Variants in NUDT3 observed in about 807,000 individuals in gnomAD.
NUDT3 encodes the protein diphosphoinositol polyphosphate phosphohydrolase 1.
In NUDT3, 9 loss-of-function variants were observed where a neutral mutation model predicts 23.6. That is an observed-to-expected ratio of 0.38 (90% CI 0.23 to 0.66). The LOEUF (loss-of-function observed/expected upper bound fraction) is 0.66, where lower values mean the gene tolerates loss of function less well. Ranked by LOEUF, NUDT3 falls within the 30% of genes least tolerant of loss-of-function variation. The pLI, the probability that NUDT3 is intolerant of heterozygous loss-of-function variation, is 0.52. For missense variants in NUDT3, 172 were observed against 218.5 expected (o/e 0.79, Z 1.34); for synonymous variants, 86 against 82.6 (o/e 1.04, Z -0.22).
chr6:34,361,887 CAG>C (rs1467359876), intron 1 of NUDT3, among the ~76,000 whole-genome samples: 1 of 152,172 alleles, frequency 6.6e-6, no homozygotes, highest in Non-Finnish European at 1.5e-5. Context: ...AGAGAAAGAA[CAG>C]AGAATTTTTA....
At chr6:34,351,580 A>G (rs1764477475) in intron 1 of NUDT3, among the ~76,000 whole-genome samples, 5 of 149,426 alleles carry the variant, frequency 3.3e-5, no homozygotes, top group African/African-American at 7.5e-5. Context: ...TGACTCTACT[A>G]AAAATACAAA....
At chr6:34,365,180 A>G (rs1468203013) in intron 1 of NUDT3, among the ~76,000 whole-genome samples, 1 of 152,206 alleles carries the variant, frequency 6.6e-6, no homozygotes, top group Non-Finnish European at 1.5e-5. Context: ...CTGTAATCCC[A>G]GCACTTTGGG....
chr6:34,295,841 G>A (rs1763491602), intron 2 of NUDT3, among the ~76,000 whole-genome samples, 156 bp from the exon 3 acceptor site: 1 of 152,196 alleles, frequency 6.6e-6, no homozygotes, highest in Non-Finnish European at 1.5e-5. Flanking sequence ...TGTTTCCTGT[G>A]TGTCACCGAC....
At chr6:34,384,305 C>T (rs1309621761) in intron 1 of NUDT3, among the ~76,000 whole-genome samples, 1 of 152,188 alleles carries the variant, frequency 6.6e-6, no homozygotes. Context: ...GTACAACAAA[C>T]GAACCTAACA....
In NUDT3 at chr6:34,288,722, A is replaced by T. The variant is rs1216667047; in HGVS notation, c.*31T>A. On this transcript the variant is annotated 3_prime_UTR_variant, in exon 5 of 5. Coordinates refer to ENST00000607016, the MANE Select transcript of NUDT3 (RefSeq NM_006703.4). The stretch of plus-strand genomic sequence containing the variant: ...AGATTTGCACTTCAGTCTAGTTTCC[A>T]ATTTCCATTTCTCTTACAGGAAGTC... The T allele has an allele frequency of 1.9e-6, 3 of 1,592,888 alleles. No homozygotes were observed. The highest frequency in any genetic ancestry group is 3.6e-5 in the Admixed American group (2 of 55,418).
intron 2 of NUDT3, among the ~76,000 whole-genome samples, chr6:34,301,236 C>G (rs1168821106): frequency 1.3e-5 from 2 of 152,232 alleles, no homozygotes; most frequent in Non-Finnish European, 2.9e-5. Context: ...TTCTCAGTCA[C>G]AGAGGATAAG....
rs143495644 is a variant in NUDT3 at position 34,372,078 on chromosome 6, A to C, written c.99+20186T>G. The stretch of plus-strand genomic sequence containing the variant: ...TCCCTACAAAGGACATGAACTCATC[A>C]TTTTTTATGGCTGCATAGTATTCCA... On this transcript the variant is annotated intron_variant, in intron 1 of 4. Coordinates refer to ENST00000607016, the MANE Select transcript of NUDT3 (RefSeq NM_006703.4). Among the ~76,000 whole-genome samples the C allele has an allele frequency of 9.2e-3, 1,403 of 152,152 alleles. 20 individuals are homozygous for C. The highest frequency in any genetic ancestry group is 0.024 in the Middle Eastern group (7 of 294).
chr6:34,306,068 C>T (rs1372918530), intron 2 of NUDT3, among the ~76,000 whole-genome samples: 1 of 152,136 alleles, frequency 6.6e-6, no homozygotes, highest in Non-Finnish European at 1.5e-5. Context: ...CTCTATTTTT[C>T]TGTTTGCCAC....
intron 1 of NUDT3, among the ~76,000 whole-genome samples, chr6:34,386,837 G>A (rs1765114958): frequency 6.6e-6 from 1 of 152,178 alleles, no homozygotes; most frequent in African/African-American, 2.4e-5. Flanking sequence ...TAGCACAGCT[G>A]AGCACGGTGG....
At chr6:34,291,526 AAC>A (rs1167011173) in intron 4 of NUDT3, among the ~76,000 whole-genome samples, 2 of 151,698 alleles carry the variant, frequency 1.3e-5, no homozygotes, top group African/African-American at 4.8e-5. Context: ...TTTTTTTTGA[AAC>A]AGTCTTATCT....
chr6:34,359,983 C>T (rs764344945), intron 1 of NUDT3, among the ~76,000 whole-genome samples: 17 of 152,036 alleles, frequency 1.1e-4, no homozygotes, highest in Non-Finnish European at 2.2e-4. Flanking sequence ...AATGTCTATA[C>T]GCTGGGAGGC....
At chr6:34,360,815 A>G (rs949407737) in intron 1 of NUDT3, among the ~76,000 whole-genome samples, 3 of 152,188 alleles carry the variant, frequency 2.0e-5, no homozygotes, top group Non-Finnish European at 4.4e-5. Context: ...TTTTCACAAG[A>G]CTTATCTGAT....
At chr6:34,377,401 C>G (rs897052595) in intron 1 of NUDT3, among the ~76,000 whole-genome samples, 1 of 152,020 alleles carries the variant, frequency 6.6e-6, no homozygotes, top group African/African-American at 2.4e-5. Flanking sequence ...TTTTAAGAAG[C>G]ATCGTACTGT....
intron 4 of NUDT3, among the ~76,000 whole-genome samples, chr6:34,289,173 T>G (rs745465120): frequency 2.0e-5 from 3 of 152,224 alleles, no homozygotes; most frequent in Non-Finnish European, 4.4e-5. Flanking sequence ...CAGAGAGAAC[T>G]ACGGCTAGTG....
At chr6:34,348,491 A>T (rs1764415474) in intron 1 of NUDT3, among the ~76,000 whole-genome samples, 1 of 152,014 alleles carries the variant, frequency 6.6e-6, no homozygotes, top group Non-Finnish European at 1.5e-5. Context: ...CAAAAAAAAG[A>T]AACAGGCTGG....
chr6:34,301,618 C>T (rs1408831041), intron 2 of NUDT3, among the ~76,000 whole-genome samples: 2 of 152,246 alleles, frequency 1.3e-5, no homozygotes, highest in Non-Finnish European at 2.9e-5. Context: ...GAGAGCATAG[C>T]CAAGATCAGC....
intron 2 of NUDT3, among the ~76,000 whole-genome samples, chr6:34,341,034 T>C (rs1209113384): frequency 2.6e-5 from 4 of 152,196 alleles, no homozygotes; most frequent in Non-Finnish European, 5.9e-5. Flanking sequence ...ATCAATCTTA[T>C]ATTCCCTCTG....
intron 4 of NUDT3, among the ~76,000 whole-genome samples, chr6:34,290,853 G>A (rs938950566): frequency 6.6e-6 from 1 of 151,030 alleles, no homozygotes; most frequent in Non-Finnish European, 1.5e-5. Context: ...GGAGTACAGC[G>A]ATGTGATCCC....
chr6:34,320,333 T>G (rs1350737541), intron 2 of NUDT3, among the ~76,000 whole-genome samples: 1 of 152,148 alleles, frequency 6.6e-6, no homozygotes, highest in Admixed American at 6.5e-5. Context: ...TTAAAGCGAT[T>G]CTCCTGCTTC....
Sources: gnomAD v4.1 joint callset for allele counts (sites outside exome capture counted in the v4.1 genomes callset) on GRCh38, gnomAD v4.1.1 for gene constraint, MANE v1.5 for transcripts, NCBI Gene and HGNC (gene_info 2026-07-23, HGNC 2026-07-21) for gene names.